Variants in MTFR1 observed in about 807,000 individuals in gnomAD.
MTFR1 encodes the protein mitochondrial fission regulator 1, also known as chondrocyte protein with a poly-proline region.
Under a neutral mutation model 38.8 loss-of-function variants are expected in MTFR1, and 28 were observed. That is an observed-to-expected ratio of 0.72 (90% CI 0.53 to 0.99). MTFR1 has a LOEUF of 0.99. MTFR1 is among the 50% of genes least tolerant of loss of function. MTFR1 has a pLI of 0.00. For missense variants in MTFR1, 358 were observed against 395.5 expected (o/e 0.91, Z 0.81); for synonymous variants, 145 against 137.0 (o/e 1.06, Z -0.41).
At chr8:65,662,748 G>C (rs1038098861) in intron 1 of MTFR1, among the ~76,000 whole-genome samples, 3 of 137,002 alleles carry the variant, frequency 2.2e-5, no homozygotes, top group African/African-American at 7.9e-5. Flanking sequence ...CCGCCCGGCA[G>C]CCACCCCGTC....
intron 3 of MTFR1, chr8:65,723,685 A>G: frequency 8.7e-7 from 1 of 1,145,162 alleles, no homozygotes; most frequent in Non-Finnish European, 1.2e-6. Flanking sequence ...ATATAATTAA[A>G]GGCTTGAACA....
chr8:65,669,311 T>C lies in MTFR1; in HGVS notation c.-80-562T>C, dbSNP rs1015652068. ...GGTGTTTTCCCAGGGCCAAGTCTGCTGCAGTTTTGAACGTCCTTGGTTGTG... is the reference window on the plus strand; with the variant it reads ...GGTGTTTTCCCAGGGCCAAGTCTGCCGCAGTTTTGAACGTCCTTGGTTGTG... On this transcript the variant is annotated intron_variant, in intron 1 of 7. Transcript: ENST00000262146. Among the ~76,000 whole-genome samples, 34 of 152,254 alleles carry C rather than the reference T, an allele frequency of 2.2e-4. 1 individual carries two copies. Among genetic ancestry groups the C allele is most frequent in the African/African-American group, 8.0e-4 (33 of 41,468 alleles).
chr8:65,743,507 A>G (rs1401697954), intron 3 of MTFR1, among the ~76,000 whole-genome samples: 2 of 152,196 alleles, frequency 1.3e-5, no homozygotes, highest in Non-Finnish European at 2.9e-5. Context: ...CTGTCTTCAC[A>G]ATTTTGCCTA....
chr8:65,753,670 G>A lies in MTFR1; in HGVS notation c.*49-17277G>A, dbSNP rs551591524. On this transcript the variant is annotated intron_variant, in intron 3 of 3. Coordinates refer to the MTFR1 transcript ENST00000521247. ...GGATTATAGTGTTGCTCAGGTGCTC[G>A]ATTTCCTTATTACTCTTCTGATTGT... 5.5e-4 allele frequency among the ~76,000 whole-genome samples: 84 copies of A among 152,100 alleles called. 1 individual carries two copies. Among genetic ancestry groups the A allele is most frequent in the Non-Finnish European group, 1.0e-3 (71 of 68,026 alleles).
intron 3 of MTFR1, among the ~76,000 whole-genome samples, chr8:65,686,526 G>A (rs1805080000): frequency 1.3e-5 from 2 of 148,512 alleles, no homozygotes; most frequent in South Asian, 4.3e-4. Flanking sequence ...GTTGCAGTGA[G>A]CCGAGTTCAT....
chr8:65,669,217 T>C (rs543558051), intron 1 of MTFR1, among the ~76,000 whole-genome samples: 40 of 152,286 alleles, frequency 2.6e-4, no homozygotes, highest in African/African-American at 9.4e-4. Context: ...GACAGCATCT[T>C]TGGAGTTGGG....
chr8:65,728,740 C>T (rs1243020301), intron 3 of MTFR1: 1 of 152,048 alleles, frequency 6.6e-6, no homozygotes, highest in Non-Finnish European at 1.5e-5. Context: ...AGGCAGTATG[C>T]AAAGGGGTTA....
intron 4 of MTFR1, among the ~76,000 whole-genome samples, chr8:65,702,128 T>C (rs1805626085): frequency 6.6e-6 from 1 of 152,100 alleles, no homozygotes; most frequent in Non-Finnish European, 1.5e-5. Context: ...TCCCACTAGT[T>C]TTCTAGGTCT....
intron 3 of MTFR1, among the ~76,000 whole-genome samples, chr8:65,721,310 G>T (rs1411646777): frequency 6.6e-6 from 1 of 152,184 alleles, no homozygotes; most frequent in East Asian, 1.9e-4. Context: ...ATCAAAGAAA[G>T]AAACTGTATT....
Position 65,757,747 on chromosome 8 carries a change from T to G in MTFR1, c.*49-13200T>G, listed in dbSNP as rs143427561. 6.6e-3 allele frequency among the ~76,000 whole-genome samples: 1,011 copies of G among 152,232 alleles called. 12 individuals are homozygous for G. The highest frequency in any genetic ancestry group is 0.023 in the African/African-American group (971 of 41,516). ...GATTCTTCTGCCTCAGCCTCCTGAG[T>G]AGCTGGGACTACAGACGTGTGCCAC... is the stretch of plus-strand genomic sequence containing the variant. On this transcript the variant is annotated intron_variant, in intron 3 of 3. Transcript: ENST00000521247.
intron 3 of MTFR1, chr8:65,727,091 A>G (rs1806642870): frequency 2.9e-6 from 3 of 1,050,904 alleles, no homozygotes; most frequent in Non-Finnish European, 4.4e-6. Flanking sequence ...ATTTATTTTC[A>G]TTACTTTCAT....
intron 2 of MTFR1, among the ~76,000 whole-genome samples, chr8:65,678,671 C>T (rs1034722479): frequency 3.9e-5 from 6 of 152,084 alleles, no homozygotes; most frequent in African/African-American, 9.7e-5. Flanking sequence ...GAGGCCGAGA[C>T]GATTAGATCA....
chr8:65,663,181 T>C (rs1304280405), intron 1 of MTFR1, among the ~76,000 whole-genome samples: 5 of 152,340 alleles, frequency 3.3e-5, no homozygotes, highest in African/African-American at 9.6e-5. Flanking sequence ...TTTTGTTCTA[T>C]ACTAAGAAAA....
intron 2 of MTFR1, among the ~76,000 whole-genome samples, chr8:65,676,695 A>G (rs1430405634): frequency 2.0e-5 from 3 of 152,148 alleles, no homozygotes; most frequent in Admixed American, 6.5e-5. Flanking sequence ...AGTTAAATTT[A>G]TAGTTTTTCC....
intron 3 of MTFR1, among the ~76,000 whole-genome samples, chr8:65,735,146 C>T (rs904912294): frequency 1.3e-5 from 2 of 152,148 alleles, no homozygotes; most frequent in Admixed American, 1.3e-4. Context: ...CTGCCATCAA[C>T]CTACTTGACA....
At chr8:65,731,042 C>G (rs141417230) in intron 3 of MTFR1, among the ~76,000 whole-genome samples, 1 of 152,306 alleles carries the variant, frequency 6.6e-6, no homozygotes, top group Non-Finnish European at 1.5e-5. Flanking sequence ...CAAGTACCTA[C>G]CATGTGCTGG....
At chr8:65,738,730 G>A (rs1807263088) in intron 3 of MTFR1, among the ~76,000 whole-genome samples, 1 of 152,192 alleles carries the variant, frequency 6.6e-6, no homozygotes, top group South Asian at 2.1e-4. Flanking sequence ...ACCACACCTG[G>A]CCCCAAATAA....
intron 1 of MTFR1, among the ~76,000 whole-genome samples, chr8:65,655,118 A>G (rs1168782332): frequency 1.3e-5 from 2 of 152,240 alleles, no homozygotes; most frequent in South Asian, 2.1e-4. Flanking sequence ...ATTCATCTGC[A>G]TGTGGCTGCT....
At chr8:65,702,593 A>C (rs906237999) in intron 4 of MTFR1, among the ~76,000 whole-genome samples, 1 of 152,112 alleles carries the variant, frequency 6.6e-6, no homozygotes, top group Admixed American at 6.5e-5. Flanking sequence ...CAGGAAACTA[A>C]ATTACCAGTT....
Sources: allele counts gnomAD v4.1 joint callset (sites outside exome capture counted in the v4.1 genomes callset), GRCh38; gene constraint gnomAD v4.1.1; transcripts MANE v1.5; gene names NCBI Gene and HGNC (gene_info 2026-07-23, HGNC 2026-07-21).